PSMA1: variants seen among roughly 807,000 people sequenced by gnomAD.
PSMA1 encodes proteasome subunit alpha type-1.
Under a neutral mutation model 38.4 loss-of-function variants are expected in PSMA1, and 3 were observed. The ratio of observed to expected loss-of-function variants is 0.08; its 90% CI spans 0.04 to 0.20. The LOEUF is 0.20. Ranked by LOEUF, PSMA1 falls within the 10% of genes least tolerant of loss-of-function variation. The probability of loss-of-function intolerance (pLI) is 1.00; values close to 1 mark genes in which losing one functional copy is unlikely to be tolerated. For missense variants in PSMA1, 227 were observed against 325.3 expected, an observed-to-expected ratio of 0.70 and a Z score of 2.32; for synonymous variants, 101 against 107.1, an observed-to-expected ratio of 0.94 and a Z score of 0.35.
At chr11:14,637,525 C>A (rs1216458658) in intron 1 of PSMA1, among the ~76,000 whole-genome samples, 1 of 152,100 alleles carries the variant, frequency 6.6e-6, no homozygotes, top group Non-Finnish European at 1.5e-5. Context: ...AATACATTTG[C>A]AAACATAAAT....
At chr11:14,512,856 T>TA (rs1851367633) in intron 7 of PSMA1, among the ~76,000 whole-genome samples, 1 of 152,242 alleles carries the variant, frequency 6.6e-6, no homozygotes, top group African/African-American at 2.4e-5. Context: ...TTTACAATGT[T>TA]AAACTTTAAG....
intron 2 of PSMA1, among the ~76,000 whole-genome samples, chr11:14,559,936 G>A (rs1851989998): frequency 6.6e-6 from 1 of 151,908 alleles, no homozygotes. Flanking sequence ...ACTGCAGTAG[G>A]GTCACAACAA....
At chr11:14,519,700 G>A (rs1823395018) in intron 1 of PSMA1, among the ~76,000 whole-genome samples, 1 of 152,170 alleles carries the variant, frequency 6.6e-6, no homozygotes, top group African/African-American at 2.4e-5. Context: ...GTGAGATTGA[G>A]TGCTAGAATG....
At chr11:14,609,745 G>A (rs1260249201) in intron 2 of PSMA1, among the ~76,000 whole-genome samples, 1 of 152,164 alleles carries the variant, frequency 6.6e-6, no homozygotes, top group Admixed American at 6.6e-5. Context: ...AAGGTGAAGA[G>A]TGATGAGATG....
intron 2 of PSMA1, among the ~76,000 whole-genome samples, chr11:14,549,964 C>T (rs548446756): frequency 1.7e-4 from 26 of 152,264 alleles, no homozygotes; most frequent in African/African-American, 6.3e-4. Context: ...TTCTCAGCCT[C>T]ATCTTCTCCT....
chr11:14,607,414 G>C (rs1420780870), intron 2 of PSMA1, among the ~76,000 whole-genome samples: 1 of 152,170 alleles, frequency 6.6e-6, no homozygotes, highest in Non-Finnish European at 1.5e-5. Flanking sequence ...GGGTCCTCCT[G>C]GTACTGTCCA....
At chr11:14,630,562 T>A (rs1429077417) in intron 1 of PSMA1, among the ~76,000 whole-genome samples, 4 of 151,952 alleles carry the variant, frequency 2.6e-5, no homozygotes, top group Non-Finnish European at 4.4e-5. Context: ...CTGGATTCGG[T>A]TTGCCAGTAT....
At chr11:14,569,570 C>A (rs555624182) in intron 2 of PSMA1, among the ~76,000 whole-genome samples, 20 of 152,374 alleles carry the variant, frequency 1.3e-4, no homozygotes, top group East Asian at 3.9e-4. Context: ...TATCCCACGC[C>A]TGGCTCAGGG....
At chr11:14,575,768 T>C (rs1270971792) in intron 2 of PSMA1, among the ~76,000 whole-genome samples, 1 of 152,236 alleles carries the variant, frequency 6.6e-6, no homozygotes, top group African/African-American at 2.4e-5. Flanking sequence ...CCTTTGGGTA[T>C]ATACCCAGTA....
chr11:14,638,541 CTCTCTATATATATATATATA>C (rs1252522715), intron 1 of PSMA1, among the ~76,000 whole-genome samples: 12 of 15,704 alleles, frequency 7.6e-4, no homozygotes, highest in African/African-American at 2.0e-3. Flanking sequence ...CTCTCTCTCT[CTCTCTATATATATATATATA>C]TATATATATA....
chr11:14,624,652 A>G (rs1288385532), intron 1 of PSMA1, among the ~76,000 whole-genome samples: 2 of 152,234 alleles, frequency 1.3e-5, no homozygotes, highest in Non-Finnish European at 2.9e-5. Context: ...CCTGCAGGCA[A>G]GAATAGGGTC....
intron 2 of PSMA1, among the ~76,000 whole-genome samples, chr11:14,549,380 G>T (rs991285234): frequency 2.0e-5 from 3 of 152,046 alleles, no homozygotes; most frequent in African/African-American, 7.2e-5. Context: ...CTGATTTTGT[G>T]ATTTCCTGAA....
chr11:14,641,246 G>A (rs773647227), intron 1 of PSMA1, among the ~76,000 whole-genome samples: 13 of 151,926 alleles, frequency 8.6e-5, no homozygotes, highest in Non-Finnish European at 1.9e-4. Context: ...GTAAAGTGCT[G>A]GGAAAAGTCA....
intron 2 of PSMA1, among the ~76,000 whole-genome samples, chr11:14,574,710 A>G (rs1172937708): frequency 2.0e-5 from 3 of 152,156 alleles, no homozygotes; most frequent in Non-Finnish European, 4.4e-5. Context: ...CACCATGTCA[A>G]GAAAGACATG....
At chr11:14,526,495 C>A (rs1300068846) in intron 2 of PSMA1, among the ~76,000 whole-genome samples, 1 of 152,150 alleles carries the variant, frequency 6.6e-6, no homozygotes, top group Non-Finnish European at 1.5e-5. Context: ...CTGCCGCTGC[C>A]CTAATACTTT....
intron 2 of PSMA1, among the ~76,000 whole-genome samples, chr11:14,591,631 G>C (rs535330210): frequency 6.6e-6 from 1 of 152,246 alleles, no homozygotes; most frequent in Non-Finnish European, 1.5e-5. Flanking sequence ...TGCACCAATC[G>C]ACACTCTGTA....
chr11:14,522,189 A>G (rs1249212746), upstream of PSMA1, among the ~76,000 whole-genome samples: 1 of 152,250 alleles, frequency 6.6e-6, no homozygotes, highest in Non-Finnish European at 1.5e-5. Context: ...TATAGCTATC[A>G]TATGTCCATA....
intron 1 of PSMA1, among the ~76,000 whole-genome samples, chr11:14,624,341 G>A (rs1301035271): frequency 1.3e-5 from 2 of 152,184 alleles, no homozygotes; most frequent in Non-Finnish European, 2.9e-5. Context: ...AAGGGATGCT[G>A]TTGCAACTGT....
At position 14,534,931 on chromosome 11, in the gene PSMA1, G is replaced by A. The variant is rs1056180487; in HGVS notation, c.22-15890C>T. On this transcript the variant is annotated intron_variant, in intron 2 of 10. Transcript: ENST00000418988. This position sits in a 1 kb window ranked among gnomAD's most constrained non-coding sequence, Gnocchi z 4.5. ...TCTCTACTAAAAATACAAAATTAGCGGGCATGGTGGCAGACGCCTGTAATC... is the reference window on the plus strand; with the variant it reads ...TCTCTACTAAAAATACAAAATTAGCAGGCATGGTGGCAGACGCCTGTAATC... Among the ~76,000 whole-genome samples the A allele has an allele frequency of 2.6e-5, 4 of 151,930 alleles. No homozygotes were observed. The highest frequency in any genetic ancestry group is 6.6e-5 in the Admixed American group (1 of 15,216).
Sources: gnomAD v4.1 joint callset for allele counts (sites outside exome capture counted in the v4.1 genomes callset) on GRCh38, gnomAD v4.1.1 for gene constraint, Gnocchi (gnomAD v3.1) non-coding constraint, MANE v1.5 for transcripts, NCBI Gene and HGNC (gene_info 2026-07-23, HGNC 2026-07-21) for gene names.